DDX21: variants seen among roughly 807,000 people sequenced by gnomAD.
DDX21 encodes DExD-box helicase 21.
In DDX21, 18 loss-of-function variants were observed where a neutral mutation model predicts 90.0. The observed-to-expected ratio is 0.20, with a 90% CI of 0.14 to 0.30. The LOEUF is 0.30. Among genes scored for constraint, DDX21 ranks in the 10% least tolerant of loss-of-function variants. The pLI is 1.00. For missense variants in DDX21, 673 were observed against 944.5 expected (o/e 0.71, Z 3.77); for synonymous variants, 294 against 318.0 (o/e 0.92, Z 0.80).
At position 68,956,451 on chromosome 10, in the gene DDX21, G is replaced by T. The variant is rs985481205; in HGVS notation, c.87+139G>T. ...CAGACACCGGGCGTGGGTCTTGGCG[G>T]GCGGTCGCCCAGGAGTGGTGCGCTC... On this transcript the variant is annotated intron_variant, in intron 1 of 14. Coordinates refer to ENST00000354185, the MANE Select transcript of DDX21 (RefSeq NM_004728.4). The T allele has an allele frequency of 1.8e-5, 26 of 1,484,646 alleles. No individual in the cohort carries two copies. The East Asian group carries it at 6.0e-4, about 34-fold the overall frequency. The allele number at this position is 1,484,646 out of a possible 1,614,324, so 92.0% of individuals were successfully genotyped here.
chr10:68,960,451 CTCTG>C (rs778855637), intron 2 of DDX21, among the ~76,000 whole-genome samples: 39 of 151,462 alleles, frequency 2.6e-4, no homozygotes, highest in African/African-American at 8.9e-4. Flanking sequence ...GCTAAGAGTA[CTCTG>C]TCTTTTTTAT....
At chr10:68,964,854 G>A (rs1485508842) in intron 4 of DDX21, among the ~76,000 whole-genome samples, 1 of 151,750 alleles carries the variant, frequency 6.6e-6, no homozygotes, top group African/African-American at 2.4e-5. Context: ...CTTTCACCAT[G>A]TTGGCCAGGC....
chr10:68,969,126 A>G lies in DDX21; in HGVS notation c.1236+5A>G. ...AAAACGGCAATAACTGTGGAGGTAA[A>G]TTATTTACTTAGTTGCCAGAATATA... On this transcript the variant is annotated splice_donor_5th_base_variant and intron_variant, in intron 7 of 14. Transcript: ENST00000354185. 1 of 1,604,376 alleles carries G rather than the reference A, an allele frequency of 6.2e-7. No homozygotes were observed. The highest frequency in any genetic ancestry group is 1.3e-5 in the African/African-American group (1 of 74,232).
intron 3 of DDX21, among the ~76,000 whole-genome samples, chr10:68,962,378 G>T (rs1842884950): frequency 6.6e-6 from 1 of 152,160 alleles, no homozygotes; most frequent in East Asian, 1.9e-4. Flanking sequence ...CTCTGTGGTG[G>T]CTCACACCTG....
intron 6 of DDX21, among the ~76,000 whole-genome samples, chr10:68,968,494 C>T (rs183416424): frequency 1.3e-5 from 2 of 152,184 alleles, no homozygotes; most frequent in Admixed American, 6.5e-5. Context: ...AGTGGAATTA[C>T]TGAGCTTAAA....
intron 1 of DDX21, among the ~76,000 whole-genome samples, chr10:68,958,492 AGTGGCATG>A (rs1377979341): frequency 3.9e-5 from 6 of 152,012 alleles, no homozygotes; most frequent in Admixed American, 1.3e-4. Flanking sequence ...GCTGGAGTGC[AGTGGCATG>A]ATCTCAGCTC....
At chr10:68,964,101 GAAAAAA>G (rs750726882) in intron 4 of DDX21, 11 of 237,324 alleles carry the variant, frequency 4.6e-5, no homozygotes, top group East Asian at 1.4e-4. Context: ...TCCGTCTCAA[GAAAAAA>G]AAAAAAAAAA....
intron 11 of DDX21, 128 bp from the exon 12 acceptor site, chr10:68,977,401 C>T (rs1233476115): frequency 3.6e-6 from 3 of 824,878 alleles, no homozygotes; most frequent in Non-Finnish European, 5.6e-6. Context: ...TTATTATATA[C>T]TGCATCAAAA....
intron 14 of DDX21, among the ~76,000 whole-genome samples, 173 bp downstream of exon 14, chr10:68,981,754 A>G (rs1843194804): frequency 6.6e-6 from 1 of 152,134 alleles, no homozygotes; most frequent in Non-Finnish European, 1.5e-5. Flanking sequence ...ATATTTTTGT[A>G]GTTGAACCCA....
chr10:68,970,067 CT>C, intron 7 of DDX21, 133 bp from the exon 8 acceptor site: 1 of 785,210 alleles, frequency 1.3e-6, no homozygotes, highest in Non-Finnish European at 1.9e-6. Flanking sequence ...GCAGACAGCT[CT>C]TATCAGGCTT....
At chr10:68,964,820 A>G (rs1256390672) in intron 4 of DDX21, among the ~76,000 whole-genome samples, 1 of 145,728 alleles carries the variant, frequency 6.9e-6, no homozygotes, top group African/African-American at 2.6e-5. Flanking sequence ...CGCCTGGCTC[A>G]TTTGTATTTT....
chr10:68,974,605 C>G lies in DDX21; in HGVS notation c.1669-65C>G. The G allele has an allele frequency of 2.9e-6, 4 of 1,356,478 alleles. No homozygotes were observed. The East Asian group carries it at 9.2e-5, about 31-fold the overall frequency. The allele number at this position is 1,356,478 out of a possible 1,614,324, so 84.0% of individuals were successfully genotyped here. On this transcript the variant is annotated intron_variant, in intron 10 of 14. Coordinates refer to ENST00000354185, the MANE Select transcript of DDX21 (RefSeq NM_004728.4). ...TGGCCTATATTAAAAAATTAGGGGA[C>G]TGCTTATCTTATTGGAAACAATTGA...
At position 68,962,429 on chromosome 10, in the gene DDX21, C is replaced by T. The variant is rs539735938; in HGVS notation, c.607+272C>T. The stretch of plus-strand genomic sequence containing the variant: ...AGGAGTTTGAGATCTTCCTGGGTAA[C>T]ATAGTGAGAACCTGTCCCGACAAAA... On this transcript the variant is annotated intron_variant, in intron 3 of 14. Transcript: ENST00000354185. Among the ~76,000 whole-genome samples the T allele has an allele frequency of 1.8e-3, 275 of 152,242 alleles. 1 individual carries two copies. Among genetic ancestry groups the T allele is most frequent in the African/African-American group, 6.4e-3 (266 of 41,542 alleles).
intron 5 of DDX21, 139 bp from the exon 6 acceptor site, chr10:68,966,879 C>T (rs998370427): frequency 1.1e-4 from 61 of 567,030 alleles, no homozygotes; most frequent in African/African-American, 1.0e-3. Context: ...GTATCTTTAT[C>T]ATTATTACTT....
chr10:68,959,569 A>G (rs1842845790), intron 1 of DDX21, among the ~76,000 whole-genome samples: 1 of 152,224 alleles, frequency 6.6e-6, no homozygotes, highest in Non-Finnish European at 1.5e-5. Context: ...TCATTTTCCA[A>G]GATAGTGAAA....
At position 68,963,466 on chromosome 10, in the gene DDX21, T is replaced by G; in HGVS notation, c.783T>G (p.Pro261=). The change falls in exon 4 of 15, where the codon CCT becomes CCG. Residue 261 remains proline, a synonymous_variant. Transcript: ENST00000354185. The part of the protein sequence containing the change: ...ELQDRKRGRA[P]QVLVLAPTRE... ...AAGACAGGAAGAGAGGCCGTGCCCCTCAGGTAACTGTCTTAAATACAAGGG... is the reference window on the plus strand; with the variant it reads ...AAGACAGGAAGAGAGGCCGTGCCCCGCAGGTAACTGTCTTAAATACAAGGG... 1.9e-6 allele frequency: 3 copies of G among 1,609,826 alleles called. No homozygotes were observed. Among genetic ancestry groups the G allele is most frequent in the Non-Finnish European group, 2.5e-6 (3 of 1,178,008 alleles).
rs151321025 is a variant in DDX21, at chr10:68,962,530, C to T, written c.607+373C>T. Among the ~76,000 whole-genome samples, 601 of 152,268 alleles carry T rather than the reference C, an allele frequency of 3.9e-3. 4 individuals are homozygous for T. The highest frequency in any genetic ancestry group is 0.014 in the African/African-American group (569 of 41,550). Reference sequence around the variant, plus strand: ...ACTCCAGAGGCTGAGGAAGGAAGATCGCTTGAGCCCAGGAGTTCAAGGCTT... The same window carrying T: ...ACTCCAGAGGCTGAGGAAGGAAGATTGCTTGAGCCCAGGAGTTCAAGGCTT... On this transcript the variant is annotated intron_variant, in intron 3 of 14. Coordinates refer to ENST00000354185, the MANE Select transcript of DDX21 (RefSeq NM_004728.4).
In DDX21 at chr10:68,965,434, G is replaced by A; in HGVS notation, c.844G>A (p.Asp282Asn). The A allele has an allele frequency of 1.9e-6, 3 of 1,613,928 alleles. No individual in the cohort carries two copies. Among genetic ancestry groups the A allele is most frequent in the Middle Eastern group, 1.7e-4 (1 of 6,058 alleles). ...LANQVSKDFS[D>N]ITKKLSVACF... ...AAATCAAGTAAGCAAAGACTTCAGT[G>A]ACATCACAAAAAAGCTGTCAGTGGC... Residue 282 changes from aspartate to asparagine, a missense_variant, in exon 5 of 15, where the codon GAC becomes AAC. By Grantham distance (23) the Asp-to-Asn change is conservative. Transcript: ENST00000354185.
chr10:68,960,804 G>A (rs931405502), intron 2 of DDX21, among the ~76,000 whole-genome samples: 1 of 151,544 alleles, frequency 6.6e-6, no homozygotes, highest in Non-Finnish European at 1.5e-5. Flanking sequence ...TTAGCATAGT[G>A]TCACAATGCC....
Sources: allele counts gnomAD v4.1 joint callset (sites outside exome capture counted in the v4.1 genomes callset), GRCh38; gene constraint gnomAD v4.1.1; transcripts MANE v1.5; gene names NCBI Gene and HGNC (gene_info 2026-07-23, HGNC 2026-07-21).